The following ADGRV1 variants were observed in gnomAD, a reference collection of about 807,000 sequenced individuals.
ADGRV1 encodes the protein adhesion G protein-coupled receptor V1.
A neutral mutation model predicts 596.2 loss-of-function variants in ADGRV1; 359 were observed. The ratio of observed to expected loss-of-function variants is 0.60; its 90% CI spans 0.55 to 0.66. The LOEUF (loss-of-function observed/expected upper bound fraction) is 0.66, where lower values mean the gene tolerates loss of function less well. Ranked by LOEUF, ADGRV1 falls within the 30% of genes least tolerant of loss-of-function variation. ADGRV1 has a pLI of 0.00. For synonymous variants in ADGRV1, 2,681 were observed against 2,679.2 expected (o/e 1.00, Z -0.02); for missense variants, 7,274 against 7,575.6 (o/e 0.96, Z 1.48).
At chr5:90,807,809 A>G in intron 73 of ADGRV1, 72 bp downstream of exon 73, 5 of 1,333,694 alleles carry the variant, frequency 3.7e-6, no homozygotes, top group Non-Finnish European at 5.1e-6. Context: ...CAAAACAGAA[A>G]AAGGCACAAG....
intron 83 of ADGRV1, among the ~76,000 whole-genome samples, chr5:90,950,682 GA>G (rs919222928): frequency 6.6e-6 from 1 of 151,856 alleles, no homozygotes; most frequent in African/African-American, 2.4e-5. Context: ...ACAGGATAAA[GA>G]AAAAAAGGGA....
At chr5:90,771,281 A>G (rs1757667419) in intron 59 of ADGRV1, among the ~76,000 whole-genome samples, 1 of 152,188 alleles carries the variant, frequency 6.6e-6, no homozygotes, top group Admixed American at 6.5e-5. Flanking sequence ...ACTGAAAAGT[A>G]AAAAGGATAT....
At chr5:91,036,701 C>T (rs190333503) in intron 85 of ADGRV1, among the ~76,000 whole-genome samples, 1 of 151,872 alleles carries the variant, frequency 6.6e-6, no homozygotes, top group East Asian at 1.9e-4. Context: ...CAAACATGGA[C>T]GACAGAGCGA....
At chr5:90,836,226 C>T (rs1764955149) in intron 77 of ADGRV1, among the ~76,000 whole-genome samples, 1 of 152,152 alleles carries the variant, frequency 6.6e-6, no homozygotes, top group African/African-American at 2.4e-5. Flanking sequence ...AGTTGCAGTC[C>T]TGGACATTTA....
At chr5:90,660,935 T>C (rs1305961440) in intron 21 of ADGRV1, among the ~76,000 whole-genome samples, 20 of 152,162 alleles carry the variant, frequency 1.3e-4, no homozygotes, top group Non-Finnish European at 2.9e-5. Flanking sequence ...ACCAACCAGG[T>C]ACACTATGTC....
intron 53 of ADGRV1, among the ~76,000 whole-genome samples, chr5:90,751,226 A>G (rs1415879060): frequency 6.6e-6 from 1 of 152,176 alleles, no homozygotes; most frequent in African/African-American, 2.4e-5. Context: ...GGAGAAGTTG[A>G]TCCACAGGCA....
chr5:90,981,204 A>G (rs895066326), intron 84 of ADGRV1, among the ~76,000 whole-genome samples: 7 of 152,196 alleles, frequency 4.6e-5, no homozygotes, highest in Admixed American at 1.3e-4. Flanking sequence ...AACCCAAAGC[A>G]GAAGTGGGAA....
At chr5:90,998,719 A>G (rs767680454) in intron 85 of ADGRV1, among the ~76,000 whole-genome samples, 4 of 152,128 alleles carry the variant, frequency 2.6e-5, no homozygotes, top group Admixed American at 6.6e-5. Flanking sequence ...GTTTTCTTAA[A>G]AAGATGCACG....
At chr5:90,974,506 A>C (rs1400088755) in intron 84 of ADGRV1, among the ~76,000 whole-genome samples, 1 of 152,204 alleles carries the variant, frequency 6.6e-6, no homozygotes, top group Non-Finnish European at 1.5e-5. Context: ...ACAGAGATAT[A>C]GACCAATGGA....
intron 85 of ADGRV1, among the ~76,000 whole-genome samples, chr5:90,994,657 A>G (rs567105862): frequency 6.6e-6 from 1 of 152,266 alleles, no homozygotes; most frequent in African/African-American, 2.4e-5. Flanking sequence ...TGGACATTCT[A>G]TGTGGAAATT....
At chr5:90,855,608 T>G in intron 81 of ADGRV1, 133 bp from the exon 82 acceptor site, 1 of 609,908 alleles carries the variant, frequency 1.6e-6, no homozygotes, top group Non-Finnish European at 2.9e-6. Flanking sequence ...CACTGTTTCT[T>G]CTTGAAAATG....
rs372695847 is a variant in ADGRV1, at chr5:90,949,756, A to AG, written c.17857-15658dup. Among the ~76,000 whole-genome samples the AG allele has an allele frequency of 3.9e-5, 6 of 152,342 alleles. No homozygotes were observed. In the East Asian group the frequency reaches 1.2e-3, roughly 29 times the overall value. On this transcript the variant is annotated intron_variant, in intron 83 of 89. Transcript: ENST00000405460. ...AATGCTTTTGAATGATAAGCCAGAA[A>AG]GAAGCAAAAAAAATAAAATTATAGA...
chr5:90,713,731 AAG>A (rs1247708226), intron 42 of ADGRV1, among the ~76,000 whole-genome samples: 1 of 152,168 alleles, frequency 6.6e-6, no homozygotes, highest in East Asian at 1.9e-4. Flanking sequence ...TATAACAGGA[AAG>A]AGAGAGTATT....
At chr5:91,090,029 A>C (rs994497038) in intron 86 of ADGRV1, among the ~76,000 whole-genome samples, 1 of 152,202 alleles carries the variant, frequency 6.6e-6, no homozygotes, top group Non-Finnish European at 1.5e-5. Flanking sequence ...TTAGAACTCT[A>C]ATCTTCTAAG....
At chr5:90,740,015 C>G (rs938743328) in intron 50 of ADGRV1, among the ~76,000 whole-genome samples, 6 of 152,266 alleles carry the variant, frequency 3.9e-5, no homozygotes, top group African/African-American at 1.4e-4. Context: ...TTGATGCTCA[C>G]TAGCTGAGTC....
chr5:90,646,743 A>G (rs988464168), intron 16 of ADGRV1, among the ~76,000 whole-genome samples: 2 of 133,274 alleles, frequency 1.5e-5, no homozygotes, highest in African/African-American at 2.8e-5. Context: ...AGCCTTTTGT[A>G]TTTTATTGAT....
rs1396288461 is a variant in ADGRV1 at position 90,653,414 on chromosome 5, T to C, written c.3840T>C (p.Asp1280=). The change falls in exon 20 of 90, where the codon GAT becomes GAC. Residue 1280 remains aspartate (D), a synonymous_variant. Coordinates refer to ENST00000405460, the MANE Select transcript of ADGRV1 (RefSeq NM_032119.4). ...TILRQQGVFG[D]VQLGWEILSS... ...TGAGGCAGCAGGGTGTGTTTGGTGA[T>C]GTACAACTGGGCTGGGAAATACTGT... The C allele has an allele frequency of 6.2e-7, 1 of 1,613,978 alleles. No homozygotes were observed. Among genetic ancestry groups the C allele is most frequent in the Non-Finnish European group, 8.5e-7 (1 of 1,179,886 alleles).
chr5:90,831,449 G>A lies in ADGRV1; in HGVS notation c.16611+2263G>A, dbSNP rs143501241. Among the ~76,000 whole-genome samples, 64 of 152,044 alleles carry A rather than the reference G, an allele frequency of 4.2e-4. No homozygotes were observed. In the East Asian group the frequency reaches 0.011, roughly 27 times the overall value. On this transcript the variant is annotated intron_variant, in intron 77 of 89. Coordinates refer to ENST00000405460, the MANE Select transcript of ADGRV1 (RefSeq NM_032119.4). Reference sequence around the variant, plus strand: ...TAATTTTTGTAGGTACATAGTAGATGTATATATTAATGGGATACATGAGAT... The same window carrying A: ...TAATTTTTGTAGGTACATAGTAGATATATATATTAATGGGATACATGAGAT...
intron 74 of ADGRV1, among the ~76,000 whole-genome samples, chr5:90,812,227 G>A (rs1315450469): frequency 6.6e-6 from 1 of 152,022 alleles, no homozygotes; most frequent in African/African-American, 2.4e-5. Context: ...CACCCGGCCT[G>A]AAATCATACT....
Sources: gnomAD v4.1 joint callset for allele counts (sites outside exome capture counted in the v4.1 genomes callset) on GRCh38, gnomAD v4.1.1 for gene constraint, MANE v1.5 for transcripts, NCBI Gene and HGNC (gene_info 2026-07-23, HGNC 2026-07-21) for gene names.